The following MOSMO variants were observed in gnomAD, a reference collection of about 807,000 sequenced individuals.
MOSMO encodes modulator of smoothened protein.
MOSMO carries 5 observed loss-of-function variants against 18.4 expected under a neutral mutation model. The observed-to-expected ratio is 0.27, with a 90% CI of 0.14 to 0.57. The LOEUF (loss-of-function observed/expected upper bound fraction) is 0.57. Among genes scored for constraint, MOSMO ranks in the 20% least tolerant of loss-of-function variants. MOSMO has a pLI of 0.92. For synonymous variants in MOSMO, 82 were observed against 82.3 expected, an observed-to-expected ratio of 1.00 and a Z score of 0.02; for missense variants, 138 against 211.8, an observed-to-expected ratio of 0.65 and a Z score of 2.16.
intron 2 of MOSMO, among the ~76,000 whole-genome samples, chr16:22,076,849 T>TA (rs1397258256): frequency 6.6e-6 from 1 of 152,202 alleles, no homozygotes; most frequent in Non-Finnish European, 1.5e-5. Context: ...TGACTCTGTT[T>TA]ATCTATATTG....
chr16:22,032,864 A>G (rs1426591533), intron 1 of MOSMO, among the ~76,000 whole-genome samples: 2 of 152,076 alleles, frequency 1.3e-5, no homozygotes, highest in Admixed American at 1.3e-4. Context: ...AATTTTATAT[A>G]TGGTGTGGGT....
chr16:22,064,351 C>T (rs752035281), intron 1 of MOSMO: 25 of 456,312 alleles, frequency 5.5e-5, no homozygotes, highest in Non-Finnish European at 9.7e-5. Context: ...CACCTTAATC[C>T]AGCTCAGTTC....
chr16:22,036,095 G>T (rs1480312280), intron 1 of MOSMO, among the ~76,000 whole-genome samples: 2 of 152,068 alleles, frequency 1.3e-5, no homozygotes, highest in Non-Finnish European at 2.9e-5. Context: ...TGGAAAAGTA[G>T]AAATCCTTGT....
chr16:22,052,517 T>C (rs1206713425), intron 1 of MOSMO, among the ~76,000 whole-genome samples: 1 of 152,184 alleles, frequency 6.6e-6, no homozygotes, highest in Admixed American at 6.5e-5. Flanking sequence ...TATTAACAGA[T>C]TCTAGAGGAA....
chr16:22,041,542 A>T (rs1340917819), intron 1 of MOSMO, among the ~76,000 whole-genome samples: 1 of 152,242 alleles, frequency 6.6e-6, no homozygotes. Context: ...CCGTACTTTG[A>T]CTAACACTAG....
chr16:22,034,849 G>A (rs1900075806), intron 1 of MOSMO, among the ~76,000 whole-genome samples: 1 of 137,128 alleles, frequency 7.3e-6, no homozygotes, highest in South Asian at 2.5e-4. Flanking sequence ...TCCCACCTCA[G>A]CCTCCCAGGT....
At chr16:22,087,528 A>G (rs1901208003), downstream of MOSMO, 2 of 152,232 alleles carry the variant, frequency 1.3e-5, no homozygotes, top group African/African-American at 4.8e-5. Context: ...AAAAATATGA[A>G]AACTCACTCT....
chr16:22,034,775 A>G (rs1264967016), intron 1 of MOSMO, among the ~76,000 whole-genome samples: 7 of 52,494 alleles, frequency 1.3e-4, no homozygotes, highest in African/African-American at 4.3e-4. Flanking sequence ...TTTTTTTTTT[A>G]AAGACAGGGT....
intron 1 of MOSMO, chr16:22,064,211 T>G: frequency 2.3e-6 from 1 of 426,486 alleles, no homozygotes; most frequent in Middle Eastern, 4.0e-4. Flanking sequence ...AGGCAGTCCT[T>G]TTCTGTGAGG....
At chr16:22,044,260 C>T (rs1458149144) in intron 1 of MOSMO, among the ~76,000 whole-genome samples, 1 of 152,126 alleles carries the variant, frequency 6.6e-6, no homozygotes, top group African/African-American at 2.4e-5. Context: ...TGAAGGGATA[C>T]ATGTTTACCT....
At chr16:22,024,879 G>A (rs1899844406) in intron 1 of MOSMO, among the ~76,000 whole-genome samples, 1 of 152,096 alleles carries the variant, frequency 6.6e-6, no homozygotes, top group African/African-American at 2.4e-5. Flanking sequence ...TGGACATGAC[G>A]GTTCATGTGC....
intron 1 of MOSMO, among the ~76,000 whole-genome samples, chr16:22,048,103 T>C (rs16972587): frequency 0.043 from 6,618 of 152,242 alleles, 567 homozygotes; most frequent in East Asian, 0.4. Context: ...TGTACTTCCA[T>C]GGTTGCTACT....
At chr16:22,010,158 G>A (rs1179769125) in intron 1 of MOSMO, among the ~76,000 whole-genome samples, 1 of 152,054 alleles carries the variant, frequency 6.6e-6, no homozygotes, top group African/African-American at 2.4e-5. Flanking sequence ...TCTAGACCTA[G>A]TAACACAAAA....
chr16:22,036,167 C>T (rs577185737), intron 1 of MOSMO, among the ~76,000 whole-genome samples: 92 of 152,244 alleles, frequency 6.0e-4, no homozygotes, highest in African/African-American at 2.1e-3. Context: ...CGCTCTCTCT[C>T]CCAGGCTACA....
intron 1 of MOSMO, among the ~76,000 whole-genome samples, chr16:22,014,123 C>T (rs1899591000): frequency 6.6e-6 from 1 of 152,132 alleles, no homozygotes; most frequent in African/African-American, 2.4e-5. Context: ...ATAACACTTC[C>T]AGCATGACAG....
At chr16:22,091,215 TA>T (rs1901312052), downstream of MOSMO, among the ~76,000 whole-genome samples, 1 of 152,146 alleles carries the variant, frequency 6.6e-6, no homozygotes, top group Non-Finnish European at 1.5e-5. Context: ...GCTGGCCACA[TA>T]ACAAATGCTG....
intron 1 of MOSMO, among the ~76,000 whole-genome samples, chr16:22,029,953 A>G (rs1397795686): frequency 3.9e-5 from 6 of 152,200 alleles, no homozygotes; most frequent in South Asian, 2.1e-4. Context: ...CCAGATTGCT[A>G]AACAACTTCA....
chr16:22,032,089 T>C (rs1900004956), intron 1 of MOSMO, among the ~76,000 whole-genome samples: 1 of 151,770 alleles, frequency 6.6e-6, no homozygotes, highest in African/African-American at 2.4e-5. Flanking sequence ...TGATGCGCAT[T>C]TCCCTGATTA....
At chr16:22,034,024 CTG>C (rs890600785) in intron 1 of MOSMO, among the ~76,000 whole-genome samples, 3 of 152,152 alleles carry the variant, frequency 2.0e-5, no homozygotes, top group African/African-American at 7.2e-5. Context: ...AGTTGAAAAA[CTG>C]TAAGTCACGG....
Sources: allele counts gnomAD v4.1 joint callset (sites outside exome capture counted in the v4.1 genomes callset), GRCh38; gene constraint gnomAD v4.1.1; transcripts MANE v1.5; gene names NCBI Gene and HGNC (gene_info 2026-07-23, HGNC 2026-07-21).